ADIG: variants seen among roughly 807,000 people sequenced by gnomAD.
The protein encoded by ADIG is adipogenesis associated.
ADIG carries 12 observed loss-of-function variants against 10.7 expected under a neutral mutation model. That is an observed-to-expected ratio of 1.12 (90% CI 0.72 to 1.82). The LOEUF (loss-of-function observed/expected upper bound fraction) is 1.82. Among genes scored for constraint, ADIG ranks in the 40% most tolerant of loss-of-function variants. The pLI, the probability that ADIG is intolerant of heterozygous loss-of-function variation, is 0.00. For synonymous variants in ADIG, 32 were observed against 35.6 expected, an observed-to-expected ratio of 0.90 and a Z score of 0.36; for missense variants, 72 against 92.5, an observed-to-expected ratio of 0.78 and a Z score of 0.91.
chr20:38,585,620 T>G (rs1040483874), intron 1 of ADIG: 33 of 1,282,756 alleles, frequency 2.6e-5, no homozygotes, highest in Non-Finnish European at 3.6e-5. Flanking sequence ...TGTGCGTGTT[T>G]CATCACAAAA....
chr20:38,586,202 C>A, intron 2 of ADIG, 41 bp downstream of exon 2: 1 of 1,504,848 alleles, frequency 6.6e-7, no homozygotes, highest in Non-Finnish European at 9.0e-7. Flanking sequence ...TCAAGGCCCA[C>A]CCAAAGCCTT....
chr20:38,587,560 A>G (rs886821629), intron 2 of ADIG, among the ~76,000 whole-genome samples: 1 of 152,114 alleles, frequency 6.6e-6, no homozygotes, highest in African/African-American at 2.4e-5. Flanking sequence ...ATTTTTGAAC[A>G]AGGGGCCCCA....
intron 2 of ADIG, among the ~76,000 whole-genome samples, chr20:38,587,462 G>A (rs150661209): frequency 4.6e-5 from 7 of 152,192 alleles, no homozygotes; most frequent in East Asian, 3.9e-4. Context: ...ATTTGTGTAC[G>A]GGGCCAGCTC....
At chr20:38,586,487 C>T (rs2088638112) in intron 2 of ADIG, among the ~76,000 whole-genome samples, 1 of 152,208 alleles carries the variant, frequency 6.6e-6, no homozygotes, top group Non-Finnish European at 1.5e-5. Context: ...ACTCCCTCCC[C>T]TCTGAGGGCT....
intron 1 of ADIG, chr20:38,585,671 G>T: frequency 1.2e-6 from 1 of 819,650 alleles, no homozygotes; most frequent in South Asian, 1.8e-5. Context: ...GTACTCAGAT[G>T]TTTGTTAATG....
chr20:38,584,789 T>G (rs1421122812), intron 1 of ADIG, among the ~76,000 whole-genome samples: 1 of 152,224 alleles, frequency 6.6e-6, no homozygotes, highest in Non-Finnish European at 1.5e-5. Flanking sequence ...CTGACTTTTT[T>G]TTTTTTTGAG....
chr20:38,585,070 C>T (rs2088624546), intron 1 of ADIG, among the ~76,000 whole-genome samples: 2 of 152,218 alleles, frequency 1.3e-5, no homozygotes, highest in Admixed American at 6.5e-5. Context: ...CCACTGTGCC[C>T]GGCCCCTACT....
Position 38,585,457 on chromosome 20 carries a change from C to T in ADIG, c.125-572C>T, listed in dbSNP as rs191220166. 245 of 1,550,516 alleles carry T rather than the reference C, an allele frequency of 1.6e-4. 1 individual carries two copies. In the Middle Eastern group the frequency reaches 2.5e-3, roughly 16 times the overall value. On this transcript the variant is annotated intron_variant, in intron 1 of 2. Coordinates refer to ENST00000537425, the MANE Select transcript of ADIG (RefSeq NM_001393816.1). ...TAGATATTCTGCAAGTCAGAAGATA[C>T]AGATATGATGCAAACATTTTAACAG...
intron 1 of ADIG, among the ~76,000 whole-genome samples, chr20:38,583,457 G>A (rs1218589675): frequency 6.6e-6 from 1 of 152,224 alleles, no homozygotes; most frequent in African/African-American, 2.4e-5. Flanking sequence ...TGCCCCTTGG[G>A]GTTGTGACAG....
At chr20:38,586,356 C>T (rs1366992101) in intron 2 of ADIG, 195 bp downstream of exon 2, 3 of 560,872 alleles carry the variant, frequency 5.3e-6, no homozygotes, top group Non-Finnish European at 9.5e-6. Context: ...GTTAAAGGGC[C>T]AGCCCCCTGT....
chr20:38,581,213 C>T lies in ADIG; in HGVS notation c.-38C>T, dbSNP rs1278879466. On this transcript the variant is annotated 5_prime_UTR_variant, in exon 1 of 3. Coordinates refer to ENST00000537425, the MANE Select transcript of ADIG (RefSeq NM_001393816.1). ...AGGTCCCATGGGGCAGCCCTGCCAG[C>T]CCAGCCCAGGCTGGCCCAGCTTAGC... 1 of 1,578,630 alleles carries T rather than the reference C, an allele frequency of 6.3e-7. No individual in the cohort carries two copies. The highest frequency in any genetic ancestry group is 8.6e-7 in the Non-Finnish European group (1 of 1,161,346).
rs746968077 is a variant in ADIG at position 38,581,373 on chromosome 20, A to G, written c.123A>G (p.Gln41=). Residue 41 remains glutamine, a splice_region_variant and synonymous_variant, in exon 1 of 3, where the codon CAA becomes CAG. Transcript: ENST00000537425. ...LIIWLRFLLS[Q]DSEENDSSVC... The stretch of plus-strand genomic sequence containing the variant: ...TCTGGCTACGCTTCTTACTTAGCCA[A>G]GGTGAGCTTCTTACCCCGTCCAGGC... 4.3e-6 allele frequency: 7 copies of G among 1,613,892 alleles called. No homozygotes were observed. The Admixed American group carries it at 8.3e-5, about 19-fold the overall frequency.
Position 38,587,572 on chromosome 20 carries a change from G to A in ADIG, c.*15-529G>A, listed in dbSNP as rs73621955. On this transcript the variant is annotated intron_variant, in intron 2 of 2. Coordinates refer to ENST00000537425, the MANE Select transcript of ADIG (RefSeq NM_001393816.1). ...TTAATTTTTGAACAAGGGGCCCCAC[G>A]TGTTAATTTGCTATTGGGCCCTGCG... Among the ~76,000 whole-genome samples, 555 of 152,244 alleles carry A rather than the reference G, an allele frequency of 3.6e-3. 25 individuals are homozygous for A. In the East Asian group the frequency reaches 0.095, roughly 26 times the overall value.
At position 38,588,445 on chromosome 20, in the gene ADIG, G is replaced by C; in HGVS notation, c.*359G>C. On this transcript the variant is annotated 3_prime_UTR_variant, in exon 3 of 3. Transcript: ENST00000537425. The stretch of plus-strand genomic sequence containing the variant: ...GAAGCAAGGGTCTTCCCATACCCGG[G>C]GGACCCCTGACAAACCTACCAGGCC... 3.3e-6 allele frequency: 4 copies of C among 1,210,470 alleles called. No homozygotes were observed. Among genetic ancestry groups the C allele is most frequent in the Non-Finnish European group, 4.2e-6 (4 of 945,028 alleles). 75.0% of individuals were successfully genotyped at this position (1,210,470 alleles called of 1,614,324 possible).
chr20:38,581,477 A>C (rs886171186), intron 1 of ADIG, 103 bp downstream of exon 1: 2 of 1,482,522 alleles, frequency 1.3e-6, no homozygotes, highest in East Asian at 4.6e-5. Context: ...GGCTTCCTTC[A>C]GTCATTTTAA....
intron 2 of ADIG, among the ~76,000 whole-genome samples, chr20:38,587,192 C>T (rs2088644537): frequency 6.6e-6 from 1 of 152,112 alleles, no homozygotes; most frequent in Non-Finnish European, 1.5e-5. Context: ...GAGTCACGAA[C>T]CCGGGAGCCA....
intron 1 of ADIG, chr20:38,585,463 T>C: frequency 6.4e-7 from 1 of 1,550,592 alleles, no homozygotes; most frequent in Non-Finnish European, 8.7e-7. Flanking sequence ...GATACAGATA[T>C]GATGCAAACA....
intron 1 of ADIG, among the ~76,000 whole-genome samples, chr20:38,584,745 C>T (rs2088620027): frequency 6.6e-6 from 1 of 151,760 alleles, no homozygotes; most frequent in Non-Finnish European, 1.5e-5. Context: ...AAAATACTCT[C>T]TCTAGTGAAG....
intron 1 of ADIG, among the ~76,000 whole-genome samples, chr20:38,584,085 A>AC (rs1008954498): frequency 6.9e-6 from 1 of 145,070 alleles, no homozygotes; most frequent in Non-Finnish European, 1.5e-5. Context: ...CCTCCCCACC[A>AC]CCCCCCAACA....
Sources: allele counts gnomAD v4.1 joint callset (sites outside exome capture counted in the v4.1 genomes callset), GRCh38; gene constraint gnomAD v4.1.1; transcripts MANE v1.5; gene names NCBI Gene and HGNC (gene_info 2026-07-23, HGNC 2026-07-21).